Variants in MNAT1 observed in about 807,000 individuals in gnomAD.
MNAT1 encodes MNAT1 component of CDK activating kinase, also known as CDK-activating kinase assembly factor MAT1.
In MNAT1, 43 loss-of-function variants were observed where a neutral mutation model predicts 42.0. That is an observed-to-expected ratio of 1.02 (90% CI 0.80 to 1.32). The LOEUF is 1.32. MNAT1 is among the 40% of genes most tolerant of loss of function. The pLI is 0.00. For synonymous variants in MNAT1, 118 were observed against 120.0 expected, an observed-to-expected ratio of 0.98 and a Z score of 0.11; for missense variants, 306 against 350.4, an observed-to-expected ratio of 0.87 and a Z score of 1.01.
chr14:60,960,312 T>G (rs2036565370), intron 7 of MNAT1, among the ~76,000 whole-genome samples: 1 of 152,218 alleles, frequency 6.6e-6, no homozygotes, highest in Non-Finnish European at 1.5e-5. Context: ...TACCCTTTAC[T>G]TCAAAATAGC....
intron 6 of MNAT1, among the ~76,000 whole-genome samples, chr14:60,869,063 G>A (rs1245131159): frequency 3.5e-5 from 3 of 86,258 alleles, no homozygotes; most frequent in Non-Finnish European, 7.9e-5. Flanking sequence ...TTTTTGAGAC[G>A]GAGTCTCGCT....
intron 2 of MNAT1, among the ~76,000 whole-genome samples, 156 bp downstream of exon 2, chr14:60,796,525 T>C (rs2032024320): frequency 6.6e-6 from 1 of 152,236 alleles, no homozygotes; most frequent in South Asian, 2.1e-4. Flanking sequence ...ATTATTTATC[T>C]TTGTTAAAGA....
chr14:60,746,236 C>G (rs918966881), intron 1 of MNAT1, among the ~76,000 whole-genome samples: 1 of 152,176 alleles, frequency 6.6e-6, no homozygotes, highest in African/African-American at 2.4e-5. Flanking sequence ...AAATTATTGG[C>G]TGGGTGCGGT....
At chr14:60,818,550 A>G (rs1260379416) in intron 5 of MNAT1, among the ~76,000 whole-genome samples, 172 bp from the exon 6 acceptor site, 2 of 152,078 alleles carry the variant, frequency 1.3e-5, no homozygotes, top group Non-Finnish European at 2.9e-5. Flanking sequence ...TGAATCTACA[A>G]CAGCCTTTTC....
chr14:60,815,290 A>G (rs1046727462), intron 5 of MNAT1, among the ~76,000 whole-genome samples: 5 of 150,990 alleles, frequency 3.3e-5, no homozygotes, highest in African/African-American at 1.2e-4. Flanking sequence ...ATCTTGGCTC[A>G]CTGCAACCTC....
chr14:60,916,995 A>C (rs2139542042), intron 7 of MNAT1, among the ~76,000 whole-genome samples: 1 of 152,194 alleles, frequency 6.6e-6, no homozygotes, highest in Middle Eastern at 3.4e-3. Flanking sequence ...AAAAACAAAA[A>C]ATAACCTGTA....
At chr14:60,824,898 A>T (rs1025243601) in intron 6 of MNAT1, among the ~76,000 whole-genome samples, 2 of 152,166 alleles carry the variant, frequency 1.3e-5, no homozygotes, top group Non-Finnish European at 2.9e-5. Context: ...ATTCTGTCAC[A>T]TACTTAAGTT....
intron 1 of MNAT1, among the ~76,000 whole-genome samples, chr14:60,790,724 A>T (rs558042925): frequency 4.1e-4 from 62 of 152,282 alleles, no homozygotes; most frequent in African/African-American, 1.5e-3. Flanking sequence ...GAAATATGGG[A>T]TTCACAGGGT....
chr14:60,821,341 A>G (rs1419671564), intron 6 of MNAT1, among the ~76,000 whole-genome samples: 1 of 152,146 alleles, frequency 6.6e-6, no homozygotes, highest in Non-Finnish European at 1.5e-5. Context: ...TCTTATGGGT[A>G]CACTGTTTAA....
At chr14:60,834,703 G>C (rs2033324606) in intron 6 of MNAT1, among the ~76,000 whole-genome samples, 1 of 152,144 alleles carries the variant, frequency 6.6e-6, no homozygotes, top group Admixed American at 6.5e-5. Flanking sequence ...TTCAAGTCCT[G>C]TATATCCTTG....
chr14:60,939,467 T>C (rs1427661096), intron 7 of MNAT1, among the ~76,000 whole-genome samples: 1 of 152,218 alleles, frequency 6.6e-6, no homozygotes, highest in Non-Finnish European at 1.5e-5. Context: ...ACATCTTAAT[T>C]TCTGCCTTGA....
intron 6 of MNAT1, among the ~76,000 whole-genome samples, chr14:60,868,780 G>A (rs1406717522): frequency 6.6e-6 from 1 of 151,752 alleles, no homozygotes; most frequent in Non-Finnish European, 1.5e-5. Flanking sequence ...TCACAGCCTA[G>A]GATGAAAAGC....
intron 1 of MNAT1, among the ~76,000 whole-genome samples, chr14:60,764,201 A>G (rs149197339): frequency 0.013 from 2,000 of 152,334 alleles, 45 homozygotes; most frequent in African/African-American, 0.046. Context: ...CTACTTATAT[A>G]TGTAAAGTGA....
At chr14:60,743,311 C>T (rs1227806809) in intron 1 of MNAT1, among the ~76,000 whole-genome samples, 4 of 149,726 alleles carry the variant, frequency 2.7e-5, no homozygotes, top group East Asian at 2.0e-4. Flanking sequence ...TTTTTTGAGA[C>T]GGAGTCTTGC....
intron 7 of MNAT1, among the ~76,000 whole-genome samples, chr14:60,902,274 A>G (rs1566545260): frequency 6.6e-6 from 1 of 152,182 alleles, no homozygotes; most frequent in Non-Finnish European, 1.5e-5. Flanking sequence ...ATCATTTTTT[A>G]TATATAATAT....
intron 6 of MNAT1, among the ~76,000 whole-genome samples, chr14:60,862,559 T>A (rs2034120715): frequency 6.6e-6 from 1 of 152,168 alleles, no homozygotes. Flanking sequence ...CACAGTAAAG[T>A]GCACAACTGC....
At chr14:60,913,941 G>T (rs974890207) in intron 7 of MNAT1, among the ~76,000 whole-genome samples, 1 of 152,240 alleles carries the variant, frequency 6.6e-6, no homozygotes, top group African/African-American at 2.4e-5. Flanking sequence ...TACAGAGGCA[G>T]TCTGGCCTCC....
chr14:60,920,726 G>A lies in MNAT1; in HGVS notation c.809+40891G>A, dbSNP rs187819265. ...CCAAAGTGCTGGAATTACAGGCATT[G>A]AGCCACGACGCCTCGCCTTATATTC... On this transcript the variant is annotated intron_variant, in intron 7 of 7. Transcript: ENST00000261245. Among the ~76,000 whole-genome samples, 26 of 152,248 alleles carry A rather than the reference G, an allele frequency of 1.7e-4. No individual in the cohort carries two copies. The East Asian group carries it at 4.4e-3, about 26-fold the overall frequency.
chr14:60,738,102 T>G (rs1344017274), intron 1 of MNAT1, among the ~76,000 whole-genome samples: 4 of 151,412 alleles, frequency 2.6e-5, no homozygotes, highest in Non-Finnish European at 5.9e-5. Context: ...AAAAAAGATC[T>G]TGTCAATTAT....
Sources: gnomAD v4.1 joint callset for allele counts (sites outside exome capture counted in the v4.1 genomes callset) on GRCh38, gnomAD v4.1.1 for gene constraint, MANE v1.5 for transcripts, NCBI Gene and HGNC (gene_info 2026-07-23, HGNC 2026-07-21) for gene names.